SDK1: variants seen among roughly 807,000 people sequenced by gnomAD.
The protein encoded by SDK1 is protein sidekick-1.
In SDK1, 157 loss-of-function variants were observed where a neutral mutation model predicts 245.5. The ratio of observed to expected loss-of-function variants is 0.64; its 90% CI spans 0.56 to 0.73. The LOEUF is 0.73. Ranked by LOEUF, SDK1 falls within the 30% of genes least tolerant of loss-of-function variation. SDK1 has a pLI of 0.00. For missense variants in SDK1, 3,583 were observed against 3,002.3 expected (o/e 1.19, Z -4.52); for synonymous variants, 1,647 against 1,278.5 (o/e 1.29, Z -6.15).
Position 4,011,012 on chromosome 7 carries a change from A to G in SDK1, c.2178A>G (p.Thr726=), listed in dbSNP as rs1296372385. 6.2e-7 allele frequency: 1 copy of G among 1,614,192 alleles called. No individual in the cohort carries two copies. Among genetic ancestry groups the G allele is most frequent in the East Asian group, 2.2e-5 (1 of 44,878 alleles). Residue 726 remains threonine (T), a synonymous_variant, in exon 15 of 45, where the codon ACA becomes ACG. Transcript: ENST00000404826. ...TGTCAAACGTTGGCCCTGAGATGAC[A>G]GGCGTCACCGTGAGTGGCCTGACTC... ...VHLSNVGPEM[T]GVTVSGLTPA...
At chr7:3,759,210 C>T (rs1371238470) in intron 4 of SDK1, among the ~76,000 whole-genome samples, 1 of 152,120 alleles carries the variant, frequency 6.6e-6, no homozygotes, top group African/African-American at 2.4e-5. Flanking sequence ...GATCATAATT[C>T]TGAAAGAAAT....
chr7:3,941,749 C>G (rs1480170770), intron 5 of SDK1, among the ~76,000 whole-genome samples: 1 of 152,176 alleles, frequency 6.6e-6, no homozygotes, highest in Non-Finnish European at 1.5e-5. Context: ...ACTCGAACCT[C>G]TTTGACGAAG....
chr7:3,914,733 C>G (rs576463001), intron 5 of SDK1, among the ~76,000 whole-genome samples: 1 of 152,158 alleles, frequency 6.6e-6, no homozygotes, highest in East Asian at 1.9e-4. Context: ...GCAGCTCCAG[C>G]AGATCCCTGA....
intron 25 of SDK1, among the ~76,000 whole-genome samples, chr7:4,126,681 C>A (rs962243374): frequency 2.6e-5 from 4 of 152,266 alleles, no homozygotes; most frequent in Non-Finnish European, 4.4e-5. Flanking sequence ...GATCGCACCA[C>A]TGCTCTCCAG....
chr7:3,997,222 GA>G (rs1784750115), intron 14 of SDK1, among the ~76,000 whole-genome samples: 1 of 152,124 alleles, frequency 6.6e-6, no homozygotes, highest in South Asian at 2.1e-4. Context: ...GGTTTTGTCC[GA>G]GTTCTCGTCT....
At chr7:3,630,417 A>G (rs2128647855) in intron 2 of SDK1, among the ~76,000 whole-genome samples, 1 of 152,358 alleles carries the variant, frequency 6.6e-6, no homozygotes, top group Middle Eastern at 3.4e-3. Flanking sequence ...GAAGATCAAC[A>G]TATAAGAATT....
intron 1 of SDK1, among the ~76,000 whole-genome samples, chr7:3,386,806 G>A (rs1023730126): frequency 6.6e-6 from 1 of 152,106 alleles, no homozygotes; most frequent in Non-Finnish European, 1.5e-5. Flanking sequence ...TTTATCTTTT[G>A]GGGGACTGGA....
chr7:3,522,151 A>G (rs928712908), intron 1 of SDK1, among the ~76,000 whole-genome samples: 12 of 152,100 alleles, frequency 7.9e-5, no homozygotes, highest in African/African-American at 9.7e-5. Context: ...ATTGTATACA[A>G]TAACTTTTTT....
intron 4 of SDK1, among the ~76,000 whole-genome samples, chr7:3,710,615 C>G (rs926157325): frequency 5.3e-5 from 8 of 152,312 alleles, no homozygotes; most frequent in African/African-American, 1.9e-4. Context: ...ACGGTGAAAT[C>G]TAAGGCAAAC....
chr7:4,039,869 T>C (rs1490606620), intron 17 of SDK1, among the ~76,000 whole-genome samples: 1 of 152,270 alleles, frequency 6.6e-6, no homozygotes, highest in East Asian at 1.9e-4. Flanking sequence ...ATCATTTTTG[T>C]TTTAATAAGG....
intron 5 of SDK1, among the ~76,000 whole-genome samples, chr7:3,897,448 C>G (rs1195939968): frequency 6.6e-6 from 1 of 152,184 alleles, no homozygotes; most frequent in Non-Finnish European, 1.5e-5. Context: ...TAAGTGGAGA[C>G]ACACAGTGTC....
intron 5 of SDK1, among the ~76,000 whole-genome samples, chr7:3,917,227 C>G (rs376326950): frequency 6.6e-6 from 1 of 152,322 alleles, no homozygotes; most frequent in South Asian, 2.1e-4. Context: ...TCTCTGATTT[C>G]TATCCCTTGT....
intron 25 of SDK1, among the ~76,000 whole-genome samples, chr7:4,119,481 A>G (rs894197626): frequency 6.7e-6 from 1 of 148,338 alleles, no homozygotes; most frequent in East Asian, 1.9e-4. Flanking sequence ...AATGGCTCAT[A>G]GATTGTACAC....
chr7:3,365,658 G>GT (rs913867993), intron 1 of SDK1, among the ~76,000 whole-genome samples: 22 of 152,082 alleles, frequency 1.4e-4, no homozygotes, highest in Non-Finnish European at 2.8e-4. Context: ...TTCCTTGCAG[G>GT]TTTTTTTGAA....
Position 3,320,210 on chromosome 7 carries a change from G to A in SDK1, c.298+18326G>A, listed in dbSNP as rs565028312. ...CGCACACATGCGCTGAAGGAGGTGA[G>A]CATTCTGGAGACCTGAGTCTCATTT... On this transcript the variant is annotated intron_variant, in intron 1 of 44. Transcript: ENST00000404826. Among the ~76,000 whole-genome samples the A allele has an allele frequency of 9.9e-4, 151 of 152,034 alleles. 2 individuals carry two copies. Among genetic ancestry groups the A allele is most frequent in the Non-Finnish European group, 1.8e-3 (124 of 67,986 alleles).
intron 1 of SDK1, among the ~76,000 whole-genome samples, chr7:3,328,192 C>T (rs1420338689): frequency 6.6e-6 from 1 of 151,938 alleles, no homozygotes; most frequent in African/African-American, 2.4e-5. Context: ...AGATGTCTTC[C>T]AGAGGCAAAA....
At chr7:4,027,211 C>T (rs2128156773) in intron 17 of SDK1, among the ~76,000 whole-genome samples, 1 of 152,246 alleles carries the variant, frequency 6.6e-6, no homozygotes, top group East Asian at 1.9e-4. Flanking sequence ...TGATACTGCA[C>T]CTGAGGGTCA....
intron 4 of SDK1, among the ~76,000 whole-genome samples, chr7:3,809,649 G>T (rs1048101439): frequency 2.0e-5 from 3 of 152,180 alleles, no homozygotes; most frequent in Admixed American, 6.5e-5. Context: ...TAATTTTCTA[G>T]TATTCCTCTG....
chr7:3,318,155 T>C (rs1235970278), intron 1 of SDK1, among the ~76,000 whole-genome samples: 1 of 152,244 alleles, frequency 6.6e-6, no homozygotes, highest in Non-Finnish European at 1.5e-5. Flanking sequence ...AGCGCATTTT[T>C]CGCCTATATT....
Sources: gnomAD v4.1 joint callset for allele counts (sites outside exome capture counted in the v4.1 genomes callset) on GRCh38, gnomAD v4.1.1 for gene constraint, MANE v1.5 for transcripts, NCBI Gene and HGNC (gene_info 2026-07-23, HGNC 2026-07-21) for gene names.